Variants in ECSIT observed in about 807,000 individuals in gnomAD.
The protein encoded by ECSIT is evolutionarily conserved signaling intermediate in Toll pathway, mitochondrial.
In ECSIT, 29 loss-of-function variants were observed where a neutral mutation model predicts 36.8. The observed-to-expected ratio is 0.79, with a 90% CI of 0.59 to 1.08. The LOEUF is 1.08. Ranked by LOEUF, ECSIT falls within the 50% of genes least tolerant of loss-of-function variation. The pLI is 0.00. For missense variants in ECSIT, 542 were observed against 581.0 expected, an observed-to-expected ratio of 0.93 and a Z score of 0.69; for synonymous variants, 231 against 234.8, an observed-to-expected ratio of 0.98 and a Z score of 0.15.
chr19:11,510,115 T>C (rs1419837639), intron 4 of ECSIT, among the ~76,000 whole-genome samples: 1 of 151,910 alleles, frequency 6.6e-6, no homozygotes, highest in Non-Finnish European at 1.5e-5. Flanking sequence ...TCTGGTGATC[T>C]GCCTGCCTCG....
intron 7 of ECSIT, among the ~76,000 whole-genome samples, chr19:11,506,931 TTTCTGTA>T (rs1335162159): frequency 3.9e-5 from 6 of 152,146 alleles, no homozygotes; most frequent in Non-Finnish European, 8.8e-5. Flanking sequence ...ACTCCTGGTT[TTTCTGTA>T]TTCTGCCAGG....
chr19:11,515,247 G>A lies in ECSIT; in HGVS notation c.97-1026C>T, dbSNP rs1412239847. 4.0e-5 allele frequency among the ~76,000 whole-genome samples: 6 copies of A among 151,654 alleles called. No individual in the cohort carries two copies. In the East Asian group the frequency reaches 9.7e-4, roughly 25 times the overall value. ...GCCTCCTGAGTAGCTGGGACTACAGGCGCCTGCCACCACGCCCAGCTAATT... is the reference window on the plus strand; with the variant it reads ...GCCTCCTGAGTAGCTGGGACTACAGACGCCTGCCACCACGCCCAGCTAATT... On this transcript the variant is annotated intron_variant, in intron 2 of 7. Transcript: ENST00000270517.
At chr19:11,515,609 A>G (rs1034635322) in intron 2 of ECSIT, among the ~76,000 whole-genome samples, 3 of 152,128 alleles carry the variant, frequency 2.0e-5, no homozygotes, top group Non-Finnish European at 4.4e-5. Flanking sequence ...GGCGCCTGCC[A>G]CCATGCCCAG....
chr19:11,519,190 T>G lies in ECSIT; in HGVS notation c.-20A>C. 12 of 1,542,656 alleles carry G rather than the reference T, an allele frequency of 7.8e-6. No individual in the cohort carries two copies. Among genetic ancestry groups the G allele is most frequent in the Non-Finnish European group, 1.1e-5 (12 of 1,141,998 alleles). On this transcript the variant is annotated 5_prime_UTR_variant, in exon 2 of 8. Coordinates refer to ENST00000270517, the MANE Select transcript of ECSIT (RefSeq NM_016581.5). This position sits in a 1 kb window ranked among gnomAD's most constrained non-coding sequence, Gnocchi z 4.4. Reference sequence around the variant, plus strand: ...GCTCATGCCTCTGCTTGTCAGACAATCACCTGGCCCAAAAGAAGATTCAGC... The same window carrying G: ...GCTCATGCCTCTGCTTGTCAGACAAGCACCTGGCCCAAAAGAAGATTCAGC...
intron 1 of ECSIT, among the ~76,000 whole-genome samples, chr19:11,520,706 GT>G (rs1555740580): frequency 2.7e-5 from 4 of 148,220 alleles, no homozygotes; most frequent in Non-Finnish European, 5.9e-5. Context: ...TAGAGATGGG[GT>G]TTCGCCATGT....
intron 4 of ECSIT, 85 bp from the exon 5 acceptor site, chr19:11,508,133 C>A: frequency 6.7e-7 from 1 of 1,496,418 alleles, no homozygotes; most frequent in Non-Finnish European, 9.3e-7. Context: ...AGGGGGATAC[C>A]AGGGAATTCA....
intron 1 of ECSIT, among the ~76,000 whole-genome samples, chr19:11,526,780 C>T (rs528488611): frequency 9.3e-4 from 135 of 144,390 alleles, no homozygotes; most frequent in Non-Finnish European, 5.7e-4. Context: ...AGTGCAATGG[C>T]GCATCTCGGC....
Position 11,511,785 on chromosome 19 carries a change from A to G in ECSIT, c.738+1271T>C, listed in dbSNP as rs377588517. 1.3e-4 allele frequency among the ~76,000 whole-genome samples: 20 copies of G among 152,316 alleles called. No homozygotes were observed. In the East Asian group the frequency reaches 3.7e-3, roughly 28 times the overall value. The stretch of plus-strand genomic sequence containing the variant: ...CACAGTGGCTCACGCGTGTAATCCC[A>G]GCACTTTGGGAGGCCGAGGTGGGCA... On this transcript the variant is annotated intron_variant, in intron 4 of 7. Coordinates refer to ENST00000270517, the MANE Select transcript of ECSIT (RefSeq NM_016581.5).
chr19:11,516,796 T>A (rs1972008908), intron 2 of ECSIT, among the ~76,000 whole-genome samples: 1 of 151,382 alleles, frequency 6.6e-6, no homozygotes, highest in Non-Finnish European at 1.5e-5. Context: ...GGCGGGCAGA[T>A]CACCTGAGGT....
At position 11,505,962 on chromosome 19, in the gene ECSIT, AT is replaced by A. The variant is rs1971724146; in HGVS notation, c.*221del. 1 of 938,754 alleles carries A rather than the reference AT, an allele frequency of 1.1e-6. No homozygotes were observed. The highest frequency in any genetic ancestry group is 1.8e-5 in the South Asian group (1 of 56,416). The allele number at this position is 938,754 out of a possible 1,614,324, so 58.2% of individuals were successfully genotyped here. On this transcript the variant is annotated 3_prime_UTR_variant, in exon 8 of 8. Coordinates refer to ENST00000270517, the MANE Select transcript of ECSIT (RefSeq NM_016581.5). ...ACCAACAGCGCTCCCGCCCCTTTTT[AT>A]TTGAATTCGGAGAACCAGAGGCGCC...
chr19:11,506,374 G>A lies in ECSIT; in HGVS notation c.1106C>T (p.Thr369Met), dbSNP rs753796849. 3.1e-6 allele frequency: 5 copies of A among 1,613,644 alleles called. No homozygotes were observed. In the South Asian group the frequency reaches 4.4e-5, roughly 14 times the overall value. ...MCMAGAHDQATMAKWIQGLQE... is the reference protein window; with the variant it reads ...MCMAGAHDQAMMAKWIQGLQE... The stretch of plus-strand genomic sequence containing the variant: ...CAGGCCCTGGATCCACTTAGCCATC[G>A]TCGCCTGGTCATGAGCACCCGCCAT... The change falls in exon 8 of 8, where the codon ACG (threonine) becomes ATG (methionine). Residue 369 changes from threonine (T) to methionine (M), a missense_variant. Physicochemically the swap from Thr to Met is moderately conservative, Grantham distance 81. Transcript: ENST00000270517.
rs1378003456 is a variant in ECSIT at position 11,507,539 on chromosome 19, C to G, written c.969G>C (p.Glu323Asp). 6.2e-7 allele frequency: 1 copy of G among 1,614,136 alleles called. No homozygotes were observed. Among genetic ancestry groups the G allele is most frequent in the Non-Finnish European group, 8.5e-7 (1 of 1,180,012 alleles). Residue 323 changes from glutamate to aspartate, a missense_variant, in exon 7 of 8, where the codon GAG (glutamate) becomes GAC (aspartate). By Grantham distance (45) the Glu-to-Asp change is conservative (BLOSUM62 2). Transcript: ENST00000270517. ...EEREVEETPE[E>D]WNLYYPMQLD... is the part of the protein sequence containing the mutation. Reference sequence around the variant, plus strand: ...GCTGCATCGGGTAGTAGAGGTTCCACTCCTCCGGCGTCTCTTCCACTTCCT... The same window carrying G: ...GCTGCATCGGGTAGTAGAGGTTCCAGTCCTCCGGCGTCTCTTCCACTTCCT...
At chr19:11,514,732 A>G (rs1408785925) in intron 2 of ECSIT, among the ~76,000 whole-genome samples, 1 of 151,992 alleles carries the variant, frequency 6.6e-6, no homozygotes, top group Non-Finnish European at 1.5e-5. Flanking sequence ...TATTTTGCCC[A>G]GGTTGGTCTT....
chr19:11,522,383 G>A (rs988695150), intron 1 of ECSIT: 20 of 941,910 alleles, frequency 2.1e-5, no homozygotes, highest in Admixed American at 5.4e-5. Context: ...AAGTCCCACC[G>A]GCTGGCCGTC....
intron 4 of ECSIT, among the ~76,000 whole-genome samples, chr19:11,511,773 G>A (rs548891245): frequency 1.3e-4 from 20 of 152,128 alleles, no homozygotes; most frequent in Non-Finnish European, 2.8e-4. Flanking sequence ...AGTGGCTCAC[G>A]CGTGTAATCC....
In ECSIT at chr19:11,507,849, T is replaced by G; in HGVS notation, c.798A>C (p.Gly266=). The G allele has an allele frequency of 1.9e-6, 3 of 1,613,740 alleles. No homozygotes were observed. Among genetic ancestry groups the G allele is most frequent in the Non-Finnish European group, 2.5e-6 (3 of 1,179,964 alleles). ...CGGCCTGCTGATCGGGACTCTGGATTCCTGGTGTGGAGACATACATGCCCT... is the reference window on the plus strand; with the variant it reads ...CGGCCTGCTGATCGGGACTCTGGATGCCTGGTGTGGAGACATACATGCCCT... ...AADPPQPHIV[G]IQSPDQQAAL... Residue 266 remains glycine, a splice_region_variant and synonymous_variant, in exon 6 of 8, where the codon GGA becomes GGC. Transcript: ENST00000270517.
chr19:11,520,787 A>G (rs940118790), intron 1 of ECSIT, among the ~76,000 whole-genome samples: 1 of 150,006 alleles, frequency 6.7e-6, no homozygotes, highest in Non-Finnish European at 1.5e-5. Flanking sequence ...CTGGGATTAT[A>G]GTCGTGAGCC....
At chr19:11,516,702 C>CAA (rs1397908747) in intron 2 of ECSIT, among the ~76,000 whole-genome samples, 3 of 151,456 alleles carry the variant, frequency 2.0e-5, no homozygotes, top group African/African-American at 7.3e-5. Flanking sequence ...CACACACACA[C>CAA]ACACAAAACG....
chr19:11,521,074 A>C lies in ECSIT; in HGVS notation c.-23-1881T>G, dbSNP rs368125909. Among the ~76,000 whole-genome samples, 83 of 152,268 alleles carry C rather than the reference A, an allele frequency of 5.5e-4. No individual in the cohort carries two copies. The South Asian group carries it at 0.017, about 31-fold the overall frequency. Reference sequence around the variant, plus strand: ...ACCCACCTTGGCCTCCCAAATTGCTAGGATTACAATCATGCCCGGCCAATT... The same window carrying C: ...ACCCACCTTGGCCTCCCAAATTGCTCGGATTACAATCATGCCCGGCCAATT... On this transcript the variant is annotated intron_variant, in intron 1 of 7. Coordinates refer to ENST00000270517, the MANE Select transcript of ECSIT (RefSeq NM_016581.5).
Sources: gnomAD v4.1 joint callset for allele counts (sites outside exome capture counted in the v4.1 genomes callset) on GRCh38, gnomAD v4.1.1 for gene constraint, Gnocchi (gnomAD v3.1) non-coding constraint, MANE v1.5 for transcripts, NCBI Gene and HGNC (gene_info 2026-07-23, HGNC 2026-07-21) for gene names.